COL4A2: variants seen among roughly 807,000 people sequenced by gnomAD.
COL4A2 encodes collagen alpha-2(IV) chain.
COL4A2 carries 99 observed loss-of-function variants against 200.2 expected under a neutral mutation model. That is an observed-to-expected ratio of 0.49 (90% CI 0.42 to 0.58). COL4A2 has a LOEUF of 0.58. Among genes scored for constraint, COL4A2 ranks in the 20% least tolerant of loss-of-function variants. The pLI, the probability that COL4A2 is intolerant of heterozygous loss-of-function variation, is 0.00. For missense variants in COL4A2, 1,950 were observed against 2,314.1 expected (o/e 0.84, Z 3.23); for synonymous variants, 897 against 900.6 (o/e 1.00, Z 0.07).
chr13:110,428,114 G>A (rs1880536394), intron 6 of COL4A2, among the ~76,000 whole-genome samples: 1 of 152,172 alleles, frequency 6.6e-6, no homozygotes, highest in Non-Finnish European at 1.5e-5. Context: ...CCCTGAGAAG[G>A]AGGTAGCTGC....
At position 110,338,579 on chromosome 13, in the gene COL4A2, G is replaced by A. The variant is rs545406459; in HGVS notation, c.100-18893G>A. Among the ~76,000 whole-genome samples the A allele has an allele frequency of 3.9e-4, 59 of 152,302 alleles. 1 individual carries two copies. Among genetic ancestry groups the A allele is most frequent in the African/African-American group, 1.2e-3 (50 of 41,560 alleles). ...TCACTGAAAACAACGGGCCTCTGCC[G>A]AGAAGCTAAACCTGGGACCCCAGGG... is the stretch of plus-strand genomic sequence containing the variant. On this transcript the variant is annotated intron_variant, in intron 3 of 47. Coordinates refer to ENST00000360467, the MANE Select transcript of COL4A2 (RefSeq NM_001846.4).
At chr13:110,392,767 G>A (rs1363299618) in intron 4 of COL4A2, among the ~76,000 whole-genome samples, 1 of 152,194 alleles carries the variant, frequency 6.6e-6, no homozygotes, top group African/African-American at 2.4e-5. Context: ...CTGGTCTGCT[G>A]TGGTGCCCTC....
chr13:110,417,049 T>C (rs1487685951), intron 4 of COL4A2, among the ~76,000 whole-genome samples: 3 of 152,100 alleles, frequency 2.0e-5, no homozygotes, highest in African/African-American at 7.2e-5. Flanking sequence ...GGCACGATCT[T>C]GGCTCACTGC....
chr13:110,394,612 C>T (rs558581003), intron 4 of COL4A2, among the ~76,000 whole-genome samples: 2 of 152,364 alleles, frequency 1.3e-5, no homozygotes, highest in South Asian at 2.1e-4. Context: ...CACGACCTCT[C>T]GGTCCATTTT....
chr13:110,402,927 G>A (rs1324082519), intron 4 of COL4A2, among the ~76,000 whole-genome samples: 1 of 152,236 alleles, frequency 6.6e-6, no homozygotes, highest in Admixed American at 6.5e-5. Flanking sequence ...GTGTCCTCCA[G>A]AGAGACCATC....
chr13:110,430,725 A>G (rs1466236343), intron 10 of COL4A2, 118 bp downstream of exon 10: 1 of 1,348,524 alleles, frequency 7.4e-7, no homozygotes. Flanking sequence ...TGATGCTTAT[A>G]GGCGTAGCAG....
intron 9 of COL4A2, 34 bp from the exon 10 acceptor site, chr13:110,430,511 C>G (rs1426865665): frequency 1.2e-6 from 2 of 1,614,106 alleles, no homozygotes; most frequent in Non-Finnish European, 1.7e-6. Context: ...CAGTTTACCT[C>G]TCTTAAAAAC....
At chr13:110,388,401 C>T (rs1312569787) in intron 4 of COL4A2, among the ~76,000 whole-genome samples, 2 of 152,152 alleles carry the variant, frequency 1.3e-5, no homozygotes, top group African/African-American at 2.4e-5. Context: ...CCTGGCACCG[C>T]GGCCTCTCCT....
intron 29 of COL4A2, 87 bp downstream of exon 29, chr13:110,473,237 G>A (rs2139513011): frequency 7.6e-7 from 1 of 1,311,628 alleles, no homozygotes; most frequent in Non-Finnish European, 1.0e-6. Flanking sequence ...GGGGGATTTG[G>A]TAGGAAGCAG....
intron 20 of COL4A2, among the ~76,000 whole-genome samples, chr13:110,451,534 C>T (rs559778932): frequency 7.9e-4 from 120 of 152,232 alleles, no homozygotes; most frequent in African/African-American, 2.8e-3. Flanking sequence ...TGTCCTTCTT[C>T]GTGGCATCAG....
At position 110,459,062 on chromosome 13, in the gene COL4A2, C is replaced by A. The variant is rs1174145331; in HGVS notation, c.1596+128C>A. The A allele has an allele frequency of 2.1e-5, 19 of 913,352 alleles. No individual in the cohort carries two copies. In the East Asian group the frequency reaches 5.7e-4, roughly 27 times the overall value. 56.6% of individuals were successfully genotyped at this position (913,352 alleles called of 1,614,324 possible). A position where few individuals can be genotyped will look rare whatever the true frequency, so the allele number is the denominator to read the frequency against. On this transcript the variant is annotated intron_variant, in intron 22 of 47. Transcript: ENST00000360467. ...CAACACTCATGGACCCAAGGCATGG[C>A]TAAACCATTCTAAAAACCCACATAC...
At chr13:110,485,069 C>T (rs780860027) in intron 33 of COL4A2, 42 bp downstream of exon 33, 102 of 1,505,030 alleles carry the variant, frequency 6.8e-5, no homozygotes, top group Admixed American at 1.5e-4. Flanking sequence ...TAGTCCCTGC[C>T]GCCCCAGCCC....
chr13:110,349,293 A>G (rs1188880060), intron 3 of COL4A2, among the ~76,000 whole-genome samples: 1 of 152,190 alleles, frequency 6.6e-6, no homozygotes, highest in African/African-American at 2.4e-5. Context: ...ACGTTTTGAG[A>G]TGGGCGATTC....
At chr13:110,382,977 G>C (rs1878547427) in intron 4 of COL4A2, among the ~76,000 whole-genome samples, 1 of 152,062 alleles carries the variant, frequency 6.6e-6, no homozygotes, top group Admixed American at 6.5e-5. Context: ...ATGAGTTATG[G>C]ATATTATTGT....
In COL4A2 at chr13:110,472,705, G is replaced by A. The variant is rs111748290; in HGVS notation, c.2204-224G>A. Among the ~76,000 whole-genome samples the A allele has an allele frequency of 8.6e-3, 1,313 of 152,184 alleles. 14 individuals are homozygous for A. The highest frequency in any genetic ancestry group is 0.03 in the African/African-American group (1,244 of 41,516). ...TCCACCTTCACTCAGTTTTAGGGCT[G>A]GGGGGCCGAATGGCGGGGCAAGCAG... On this transcript the variant is annotated intron_variant, in intron 28 of 47. Transcript: ENST00000360467.
chr13:110,385,470 G>A (rs1444009471), intron 4 of COL4A2, among the ~76,000 whole-genome samples: 1 of 148,894 alleles, frequency 6.7e-6, no homozygotes, highest in South Asian at 2.1e-4. Flanking sequence ...TGGATAGGCC[G>A]TGGTTACAGT....
chr13:110,350,186 A>G (rs1357547662), intron 3 of COL4A2, among the ~76,000 whole-genome samples: 1 of 152,238 alleles, frequency 6.6e-6, no homozygotes, highest in Non-Finnish European at 1.5e-5. Flanking sequence ...CTGCACCTGG[A>G]AAAAATGTCT....
intron 14 of COL4A2, 106 bp from the exon 15 acceptor site, chr13:110,438,512 C>T (rs762241959): frequency 1.8e-5 from 26 of 1,443,266 alleles, no homozygotes; most frequent in Admixed American, 1.2e-4. Context: ...TGGACACCAT[C>T]GGGGCTGAGA....
At chr13:110,405,407 T>G (rs1018359359) in intron 4 of COL4A2, among the ~76,000 whole-genome samples, 1 of 152,302 alleles carries the variant, frequency 6.6e-6, no homozygotes, top group East Asian at 1.9e-4. Flanking sequence ...AAAGGCCCAC[T>G]AGTGGGTCCC....
Sources: gnomAD v4.1 joint callset for allele counts (sites outside exome capture counted in the v4.1 genomes callset) on GRCh38, gnomAD v4.1.1 for gene constraint, MANE v1.5 for transcripts, NCBI Gene and HGNC (gene_info 2026-07-23, HGNC 2026-07-21) for gene names.